GPC5: variants seen among roughly 807,000 people sequenced by gnomAD.
GPC5 encodes glypican-5.
A neutral mutation model predicts 53.9 loss-of-function variants in GPC5; 47 were observed. That is an observed-to-expected ratio of 0.87 (90% CI 0.69 to 1.11). GPC5 has a LOEUF of 1.11. Ranked by LOEUF, GPC5 falls within the 50% of genes most tolerant of loss-of-function variation. The pLI, the probability that GPC5 is intolerant of heterozygous loss-of-function variation, is 0.00. For synonymous variants in GPC5, 286 were observed against 263.3 expected, an observed-to-expected ratio of 1.09 and a Z score of -0.84; for missense variants, 748 against 713.1, an observed-to-expected ratio of 1.05 and a Z score of -0.56.
chr13:92,333,753 G>T (rs2043303712), intron 7 of GPC5, among the ~76,000 whole-genome samples: 1 of 151,862 alleles, frequency 6.6e-6, no homozygotes, highest in African/African-American at 2.4e-5. Flanking sequence ...ATACCAAAAG[G>T]CAAAAAAGAG....
Position 91,441,248 on chromosome 13 carries a change from G to T in GPC5, c.164-7513G>T, listed in dbSNP as rs543648436. Among the ~76,000 whole-genome samples the T allele has an allele frequency of 5.4e-4, 82 of 152,092 alleles. 1 individual carries two copies. Among genetic ancestry groups the T allele is most frequent in the African/African-American group, 1.8e-3 (76 of 41,492 alleles). On this transcript the variant is annotated intron_variant, in intron 1 of 7. Coordinates refer to ENST00000377067, the MANE Select transcript of GPC5 (RefSeq NM_004466.6). ...CCATACTGCAAGTCAGACCCTTTTT[G>T]TTTTTTGGACATGTAAGGTTTATTT...
intron 7 of GPC5, among the ~76,000 whole-genome samples, chr13:92,292,593 GT>G (rs1174314265): frequency 6.6e-5 from 10 of 152,076 alleles, no homozygotes; most frequent in African/African-American, 2.4e-4. Flanking sequence ...TGTATAGATT[GT>G]GAAGGTTTTT....
chr13:92,570,081 C>T (rs1882978784), intron 7 of GPC5, among the ~76,000 whole-genome samples: 1 of 152,038 alleles, frequency 6.6e-6, no homozygotes, highest in Admixed American at 6.6e-5. Context: ...TGATTTTCAC[C>T]ATATGTGTTT....
intron 7 of GPC5, among the ~76,000 whole-genome samples, chr13:92,252,738 G>C (rs191764644): frequency 6.6e-6 from 1 of 152,082 alleles, no homozygotes; most frequent in African/African-American, 2.4e-5. Context: ...ATTTGGTAAT[G>C]CACAGTTAAA....
intron 7 of GPC5, among the ~76,000 whole-genome samples, chr13:92,564,738 A>G (rs1314909123): frequency 6.6e-6 from 1 of 151,926 alleles, no homozygotes; most frequent in African/African-American, 2.4e-5. Context: ...ATGTGTACTT[A>G]AGGCTTAGCT....
At position 91,671,780 on chromosome 13, in the gene GPC5, C is replaced by CAAAAAAAAAAAAAAAAAAAAAAAA. The variant is rs55758033; in HGVS notation, c.326-21405_326-21382dup. 1.0e-3 allele frequency among the ~76,000 whole-genome samples: 34 copies of CAAAAAAAAAAAAAAAAAAAAAAAA among 33,126 alleles called. 2 individuals are homozygous for CAAAAAAAAAAAAAAAAAAAAAAAA. The highest frequency in any genetic ancestry group is 1.6e-3 in the Non-Finnish European group (28 of 17,280). 21.7% of individuals were successfully genotyped at this position (33,126 alleles called of 152,430 possible). A position where few individuals can be genotyped will look rare whatever the true frequency, so the allele number is the denominator to read the frequency against. ...CCTGTATAGCCAAGACAATCTGAAGCAAAAAAAAAAAAAAAAAAAAAAAAA... is the reference window on the plus strand; with the variant it reads ...CCTGTATAGCCAAGACAATCTGAAGCAAAAAAAAAAAAAAAAAAAAAAAAAAAAAAAAAAAAAAAAAAAAAAAAA... On this transcript the variant is annotated intron_variant, in intron 2 of 7. Transcript: ENST00000377067.
intron 2 of GPC5, among the ~76,000 whole-genome samples, chr13:91,485,275 C>T (rs957548212): frequency 6.7e-6 from 1 of 149,800 alleles, no homozygotes; most frequent in Admixed American, 6.7e-5. Context: ...TGCAATGGTG[C>T]GATCTCAGCT....
At chr13:91,733,661 T>A (rs1452868803) in intron 4 of GPC5, among the ~76,000 whole-genome samples, 1 of 152,198 alleles carries the variant, frequency 6.6e-6, no homozygotes, top group Non-Finnish European at 1.5e-5. Flanking sequence ...ATGCTTGTGA[T>A]TTTTGCACAA....
chr13:92,852,303 TTTGGGG>T (rs1415742007), intron 7 of GPC5, among the ~76,000 whole-genome samples: 2 of 151,972 alleles, frequency 1.3e-5, no homozygotes, highest in African/African-American at 4.8e-5. Flanking sequence ...TGTGTTGGGG[TTTGGGG>T]TCAGTGAGAT....
In GPC5 at chr13:92,815,964, G is replaced by A. The variant is rs149178605; in HGVS notation, c.1562-50318G>A. The stretch of plus-strand genomic sequence containing the variant: ...AACTATTAAACATCCAGTTGGAGAT[G>A]TTGAATAAACGGTGGGAAATAAAAC... On this transcript the variant is annotated intron_variant, in intron 7 of 7. Coordinates refer to ENST00000377067, the MANE Select transcript of GPC5 (RefSeq NM_004466.6). Among the ~76,000 whole-genome samples, 249 of 152,040 alleles carry A rather than the reference G, an allele frequency of 1.6e-3. 7 individuals carry two copies. Among genetic ancestry groups the A allele is most frequent in the African/African-American group, 5.8e-3 (241 of 41,352 alleles).
At chr13:92,290,929 T>C (rs760988964) in intron 7 of GPC5, among the ~76,000 whole-genome samples, 9 of 152,086 alleles carry the variant, frequency 5.9e-5, no homozygotes, top group African/African-American at 1.7e-4. Context: ...ACAGTGCTTG[T>C]GGGCCAGCGT....
intron 7 of GPC5, among the ~76,000 whole-genome samples, chr13:92,829,550 T>A (rs1234675121): frequency 1.3e-5 from 2 of 152,154 alleles, no homozygotes; most frequent in Non-Finnish European, 1.5e-5. Context: ...ACAGCCCCCT[T>A]AGGTCTTATC....
chr13:91,863,846 A>C (rs2039056559), intron 5 of GPC5, among the ~76,000 whole-genome samples: 1 of 152,214 alleles, frequency 6.6e-6, no homozygotes, highest in South Asian at 2.1e-4. Flanking sequence ...ATGAATGAAA[A>C]AGATTTCATC....
chr13:91,402,404 AT>A lies in GPC5; in HGVS notation c.163+3197del, dbSNP rs371922765. ...TGTTGTTGTTTTTTAAACTGCTTTC[AT>A]TATAATCAAATCTTATTATTGCTCC... On this transcript the variant is annotated intron_variant, in intron 1 of 7. Transcript: ENST00000377067. Among the ~76,000 whole-genome samples the A allele has an allele frequency of 7.3e-4, 111 of 152,324 alleles. 1 individual carries two copies. In the East Asian group the frequency reaches 0.014, roughly 19 times the overall value.
At chr13:91,910,193 TGAAGA>T in intron 6 of GPC5, among the ~76,000 whole-genome samples, 1 of 152,312 alleles carries the variant, frequency 6.6e-6, no homozygotes, top group South Asian at 2.1e-4. Flanking sequence ...CTCCTGGAGA[TGAAGA>T]GAAATGTTTT....
chr13:91,886,832 T>G (rs1395464347), intron 5 of GPC5, among the ~76,000 whole-genome samples: 2 of 152,190 alleles, frequency 1.3e-5, no homozygotes, highest in Admixed American at 6.5e-5. Context: ...TCTCCCCCTG[T>G]GGGTTTGCAG....
At chr13:92,652,194 A>G (rs1354355494) in intron 7 of GPC5, among the ~76,000 whole-genome samples, 1 of 152,168 alleles carries the variant, frequency 6.6e-6, no homozygotes, top group Non-Finnish European at 1.5e-5. Flanking sequence ...CAAGTTATTT[A>G]TGGTTTAAAA....
At chr13:91,872,271 G>A (rs986590105) in intron 5 of GPC5, among the ~76,000 whole-genome samples, 1 of 152,088 alleles carries the variant, frequency 6.6e-6, no homozygotes, top group Non-Finnish European at 1.5e-5. Flanking sequence ...GGAGAAAAGA[G>A]CCCAAATAAA....
chr13:92,504,453 T>C (rs928731029), intron 7 of GPC5, among the ~76,000 whole-genome samples: 1 of 151,922 alleles, frequency 6.6e-6, no homozygotes, highest in African/African-American at 2.4e-5. Flanking sequence ...AATCAAAATC[T>C]CAACAAGATT....
Sources: allele counts gnomAD v4.1 joint callset (sites outside exome capture counted in the v4.1 genomes callset), GRCh38; gene constraint gnomAD v4.1.1; transcripts MANE v1.5; gene names NCBI Gene and HGNC (gene_info 2026-07-23, HGNC 2026-07-21).